Variants in ANK2 observed in about 807,000 individuals in gnomAD.
ANK2 encodes ankyrin 2.
Under a neutral mutation model 360.5 loss-of-function variants are expected in ANK2, and 83 were observed. The observed-to-expected ratio is 0.23, with a 90% CI of 0.19 to 0.28. The LOEUF (loss-of-function observed/expected upper bound fraction) is 0.28. Among genes scored for constraint, ANK2 ranks in the 10% least tolerant of loss-of-function variants. ANK2 has a pLI of 1.00. For missense variants in ANK2, 4,201 were observed against 4,795.7 expected (o/e 0.88, Z 3.66); for synonymous variants, 1,740 against 1,759.5 (o/e 0.99, Z 0.28).
chr4:113,150,969 T>A lies in ANK2; in HGVS notation c.85-23447T>A, dbSNP rs2097053001. The A allele has an allele frequency of 6.4e-5, 57 of 890,000 alleles. No individual in the cohort carries two copies. The South Asian group carries it at 8.3e-4, about 13-fold the overall frequency. The allele number at this position is 890,000 out of a possible 1,614,324, so 55.1% of individuals were successfully genotyped here. A position where few individuals can be genotyped will look rare whatever the true frequency, so the allele number is the denominator to read the frequency against. ...TCATAAGCTCTATTTTCTTTGAAGTTCCTACCAGCTAATAGGTACTTAGTA... is the reference window on the plus strand; with the variant it reads ...TCATAAGCTCTATTTTCTTTGAAGTACCTACCAGCTAATAGGTACTTAGTA... On this transcript the variant is annotated intron_variant, in intron 1 of 45. Transcript: ENST00000357077.
intron 14 of ANK2, among the ~76,000 whole-genome samples, chr4:113,268,062 G>T (rs1347772167): frequency 1.3e-5 from 2 of 151,980 alleles, no homozygotes; most frequent in Non-Finnish European, 2.9e-5. Flanking sequence ...GTCTATTATT[G>T]GTGTACAGGA....
At chr4:113,315,546 T>C (rs751569347) in intron 24 of ANK2, among the ~76,000 whole-genome samples, 3 of 152,174 alleles carry the variant, frequency 2.0e-5, no homozygotes, top group Non-Finnish European at 4.4e-5. Context: ...TTGGCTCCTC[T>C]ACTATTTTCC....
rs183387325 is a variant in ANK2 at position 113,230,094 on chromosome 4, G to T, written c.385-2067G>T. Among the ~76,000 whole-genome samples, 41 of 152,030 alleles carry T rather than the reference G, an allele frequency of 2.7e-4. No homozygotes were observed. The East Asian group carries it at 7.4e-3, about 27-fold the overall frequency. On this transcript the variant is annotated intron_variant, in intron 4 of 45. Transcript: ENST00000357077. Reference sequence around the variant, plus strand: ...AAAATACACAAGATTTCGCCTGCTTGCTGTGTTTTTTTAAAAAATATGCTA... The same window carrying T: ...AAAATACACAAGATTTCGCCTGCTTTCTGTGTTTTTTTAAAAAATATGCTA...
chr4:113,314,032 C>T (rs1402753847), intron 24 of ANK2, among the ~76,000 whole-genome samples: 1 of 152,014 alleles, frequency 6.6e-6, no homozygotes, highest in Non-Finnish European at 1.5e-5. Flanking sequence ...CCCAATTAGC[C>T]TATGTGTAGT....
chr4:112,850,249 C>A (rs573706227), intron 1 of ANK2, among the ~76,000 whole-genome samples: 7 of 139,240 alleles, frequency 5.0e-5, no homozygotes, highest in African/African-American at 1.1e-4. Flanking sequence ...TAAGAAATTT[C>A]ATCTATCTAT....
intron 1 of ANK2, among the ~76,000 whole-genome samples, chr4:113,070,445 T>C (rs1229047246): frequency 6.6e-6 from 1 of 152,200 alleles, no homozygotes; most frequent in East Asian, 1.9e-4. Flanking sequence ...GATTAATAAG[T>C]ATAAATGCAT....
chr4:113,281,620 A>G (rs1344430847), intron 17 of ANK2, among the ~76,000 whole-genome samples: 3 of 152,180 alleles, frequency 2.0e-5, no homozygotes, highest in Non-Finnish European at 1.5e-5. Context: ...TCAGCATGTC[A>G]CTGAAGGGAA....
chr4:112,844,940 G>A (rs963116097), intron 1 of ANK2, among the ~76,000 whole-genome samples: 5 of 152,052 alleles, frequency 3.3e-5, no homozygotes, highest in African/African-American at 9.7e-5. Context: ...AAGGAATAAC[G>A]TAAAAACATA....
intron 1 of ANK2, among the ~76,000 whole-genome samples, chr4:113,059,260 GT>G (rs1214828965): frequency 6.6e-6 from 1 of 152,128 alleles, no homozygotes; most frequent in East Asian, 1.9e-4. Context: ...ATTAGATTGT[GT>G]ATAGCCTGGC....
At position 112,914,272 on chromosome 4, in the gene ANK2, G is replaced by A. The variant is rs779456879; in HGVS notation, c.21+9758G>A. 5.9e-5 allele frequency among the ~76,000 whole-genome samples: 9 copies of A among 152,184 alleles called. No individual in the cohort carries two copies. In the South Asian group the frequency reaches 1.0e-3, roughly 18 times the overall value. On this transcript the variant is annotated intron_variant, in intron 2 of 30. Coordinates refer to the ANK2 transcript ENST00000503271. The stretch of plus-strand genomic sequence containing the variant: ...CATTTGTGTTACTGTTATTATATCA[G>A]TCATTTACAGAATTGGCATAGGGTA...
the ANK2 span, among the ~76,000 whole-genome samples, chr4:112,779,293 C>T: frequency 6.6e-6 from 1 of 152,080 alleles, no homozygotes; most frequent in Non-Finnish European, 1.5e-5. Context: ...CTGAGGCGGG[C>T]AGATCACAAG....
chr4:112,737,803 T>C, the ANK2 span, among the ~76,000 whole-genome samples: 2 of 152,204 alleles, frequency 1.3e-5, no homozygotes. Context: ...TAGGATTTTC[T>C]TCCATTTGTA....
chr4:113,357,073 G>A lies in ANK2; in HGVS notation c.8455G>A (p.Glu2819Lys). ...KESLALQGTH[E>K]KDTEGEELDV... is the part of the protein sequence containing the mutation. ...ATCATTAGCTCTCCAAGGCACTCAT[G>A]AAAAAGACACAGAGGGAGAAGAGCT... Residue 2819 changes from glutamate (E) to lysine (K), a missense_variant, in exon 38 of 46, where the codon GAA becomes AAA. By Grantham distance (56) the Glu-to-Lys change is moderately conservative. Transcript: ENST00000357077. 2 of 1,614,082 alleles carry A rather than the reference G, an allele frequency of 1.2e-6. No individual in the cohort carries two copies. The highest frequency in any genetic ancestry group is 1.7e-6 in the Non-Finnish European group (2 of 1,179,970).
intron 2 of ANK2, among the ~76,000 whole-genome samples, chr4:112,991,967 T>G (rs1477937936): frequency 6.6e-6 from 1 of 152,154 alleles, no homozygotes; most frequent in Non-Finnish European, 1.5e-5. Context: ...TTCTACATTT[T>G]GTACATTATT....
chr4:113,195,360 A>G (rs1031068578), intron 2 of ANK2, among the ~76,000 whole-genome samples: 1 of 152,018 alleles, frequency 6.6e-6, no homozygotes, highest in Non-Finnish European at 1.5e-5. Flanking sequence ...CATTCTGAGT[A>G]TGACTCACAG....
chr4:112,761,897 C>T, the ANK2 span, among the ~76,000 whole-genome samples: 6 of 152,194 alleles, frequency 3.9e-5, no homozygotes, highest in Admixed American at 3.9e-4. Context: ...TAACATAGTA[C>T]GTTCTTAAGA....
chr4:113,116,399 G>T (rs115806155), intron 1 of ANK2, among the ~76,000 whole-genome samples: 3,169 of 152,086 alleles, frequency 0.021, 102 homozygotes, highest in African/African-American at 0.072. Context: ...TATATTGTTT[G>T]TTCACTGACA....
chr4:113,152,146 A>T (rs925677897), intron 1 of ANK2: 4 of 150,456 alleles, frequency 2.7e-5, no homozygotes, highest in East Asian at 2.0e-4. Flanking sequence ...TTATCTATTT[A>T]TTTTTTTTAT....
chr4:113,062,981 G>T (rs1043582986), intron 1 of ANK2, among the ~76,000 whole-genome samples: 4 of 152,084 alleles, frequency 2.6e-5, no homozygotes, highest in Non-Finnish European at 5.9e-5. Context: ...GAAATGAGGT[G>T]CTAATATCAA....
Sources: allele counts gnomAD v4.1 joint callset (sites outside exome capture counted in the v4.1 genomes callset), GRCh38; gene constraint gnomAD v4.1.1; transcripts MANE v1.5; gene names NCBI Gene and HGNC (gene_info 2026-07-23, HGNC 2026-07-21).